LUZP2: variants seen among roughly 807,000 people sequenced by gnomAD.
LUZP2 encodes the protein leucine zipper protein 2.
LUZP2 carries 52 observed loss-of-function variants against 51.6 expected under a neutral mutation model. The observed-to-expected ratio is 1.01, with a 90% confidence interval of 0.81 to 1.27. The LOEUF is 1.27. LUZP2 is among the 50% of genes most tolerant of loss of function. The pLI is 0.00. For synonymous variants in LUZP2, 154 were observed against 137.3 expected (o/e 1.12, Z -0.85); for missense variants, 436 against 395.4 (o/e 1.10, Z -0.87).
At chr11:24,650,852 G>T (rs1231308478) in intron 1 of LUZP2, among the ~76,000 whole-genome samples, 1 of 152,034 alleles carries the variant, frequency 6.6e-6, no homozygotes, top group Non-Finnish European at 1.5e-5. Flanking sequence ...ATCATAAGTT[G>T]TTCATGGAGT....
At chr11:24,943,978 T>C (rs1854833203) in intron 7 of LUZP2, among the ~76,000 whole-genome samples, 1 of 152,184 alleles carries the variant, frequency 6.6e-6, no homozygotes, top group South Asian at 2.1e-4. Flanking sequence ...TGGTTTCTGC[T>C]TTCAAGAAGT....
rs944437065 is a variant in LUZP2 at position 24,829,353 on chromosome 11, A to G, written c.396+66045A>G. 2.0e-5 allele frequency among the ~76,000 whole-genome samples: 3 copies of G among 152,302 alleles called. No individual in the cohort carries two copies. The East Asian group carries it at 5.8e-4, about 30-fold the overall frequency. On this transcript the variant is annotated intron_variant, in intron 5 of 11. Transcript: ENST00000336930. ...TCCAGAGTAGGAAAAGTGTGCGTGC[A>G]TGTACACCTCCCCCACAGTGCACAC...
In LUZP2 at chr11:24,926,167, A is replaced by G. The variant is rs184662553; in HGVS notation, c.522+11629A>G. Among the ~76,000 whole-genome samples, 142 of 151,102 alleles carry G rather than the reference A, an allele frequency of 9.4e-4. 3 individuals carry two copies. The highest frequency in any genetic ancestry group is 1.5e-4 in the Non-Finnish European group (10 of 67,754). On this transcript the variant is annotated intron_variant, in intron 7 of 11. Transcript: ENST00000336930. The stretch of plus-strand genomic sequence containing the variant: ...CAAAGGCCCATAAATCAATAAGTGC[A>G]TAAAGGCAATGTTATATATATGTGT...
At chr11:24,536,760 C>A (rs1851192035) in intron 1 of LUZP2, among the ~76,000 whole-genome samples, 1 of 151,888 alleles carries the variant, frequency 6.6e-6, no homozygotes, top group South Asian at 2.1e-4. Flanking sequence ...AAGAACATTT[C>A]TTTTGCATTC....
At chr11:24,913,073 A>G (rs1337262856) in intron 6 of LUZP2, among the ~76,000 whole-genome samples, 4 of 152,110 alleles carry the variant, frequency 2.6e-5, no homozygotes, top group Non-Finnish European at 5.9e-5. Context: ...TTTTATTGAG[A>G]TTTATCTAGT....
chr11:25,070,284 A>G (rs1377435113), intron 10 of LUZP2, among the ~76,000 whole-genome samples: 1 of 151,994 alleles, frequency 6.6e-6, no homozygotes, highest in East Asian at 1.9e-4. Context: ...CATCCCCCAG[A>G]AGTGTATTTA....
intron 1 of LUZP2, among the ~76,000 whole-genome samples, chr11:24,720,245 GA>G (rs5790431): frequency 0.37 from 54,308 of 148,292 alleles, 10,127 homozygotes; most frequent in Non-Finnish European, 0.42. Context: ...TCAGATAATA[GA>G]AAAAAAAAAT....
intron 1 of LUZP2, among the ~76,000 whole-genome samples, chr11:24,560,368 T>C (rs1212994198): frequency 1.3e-5 from 2 of 152,152 alleles, no homozygotes; most frequent in Admixed American, 6.6e-5. Flanking sequence ...TAACGCTTGA[T>C]GTGAAGGGTT....
intron 1 of LUZP2, among the ~76,000 whole-genome samples, chr11:24,726,457 C>T (rs1335070112): frequency 6.6e-6 from 1 of 151,214 alleles, no homozygotes; most frequent in African/African-American, 2.4e-5. Context: ...TAAATACCCA[C>T]AAAAATTAAA....
At chr11:24,533,761 C>G (rs1851085001) in intron 1 of LUZP2, among the ~76,000 whole-genome samples, 1 of 150,904 alleles carries the variant, frequency 6.6e-6, no homozygotes, top group South Asian at 2.1e-4. Context: ...CTATTTGGGA[C>G]AATCTATTTC....
intron 9 of LUZP2, among the ~76,000 whole-genome samples, chr11:25,016,253 A>G (rs1273326125): frequency 2.6e-5 from 4 of 151,874 alleles, no homozygotes; most frequent in Non-Finnish European, 5.9e-5. Context: ...CCTGCCATCC[A>G]AGTAGTATAT....
chr11:24,646,954 A>T (rs908265992), intron 1 of LUZP2, among the ~76,000 whole-genome samples: 2 of 152,054 alleles, frequency 1.3e-5, no homozygotes, highest in African/African-American at 4.8e-5. Context: ...ATGAGGAAGA[A>T]GCACTGTTGA....
chr11:24,741,973 CATTTA>C (rs1859184979), intron 4 of LUZP2, among the ~76,000 whole-genome samples: 1 of 31,600 alleles, frequency 3.2e-5, no homozygotes, highest in Non-Finnish European at 8.5e-5. Context: ...TAAATATATA[CATTTA>C]TATATTATAT....
At chr11:24,503,583 T>C (rs1850065212) in intron 1 of LUZP2, among the ~76,000 whole-genome samples, 1 of 152,200 alleles carries the variant, frequency 6.6e-6, no homozygotes, top group South Asian at 2.1e-4. Flanking sequence ...TTAATCTCTT[T>C]AAGTGTACTT....
chr11:25,081,347 T>G lies in LUZP2; in HGVS notation c.*2689T>G, dbSNP rs879073940. 3 of 152,064 alleles carry G rather than the reference T, an allele frequency of 2.0e-5. No homozygotes were observed. The highest frequency in any genetic ancestry group is 6.6e-5 in the Admixed American group (1 of 15,256). 9.4% of individuals were successfully genotyped at this position (152,064 alleles called of 1,614,324 possible). ...CCACCGTGCCTGGCCAGTGTGTTTT[T>G]TTCCTTTAAATATATATGGCATTAT... On this transcript the variant is annotated 3_prime_UTR_variant, in exon 12 of 12. Transcript: ENST00000336930.
intron 1 of LUZP2, among the ~76,000 whole-genome samples, chr11:24,548,573 T>C (rs761419492): frequency 7.9e-5 from 12 of 151,860 alleles, no homozygotes; most frequent in Admixed American, 2.6e-4. Context: ...GTGAGGACGA[T>C]GAGAATTGAA....
At chr11:25,064,758 C>T (rs968249004) in intron 10 of LUZP2, among the ~76,000 whole-genome samples, 20 of 151,974 alleles carry the variant, frequency 1.3e-4, no homozygotes, top group African/African-American at 4.8e-4. Flanking sequence ...CCAATCTGCT[C>T]TCTCTCTTAT....
chr11:24,609,879 G>C (rs538578743), intron 1 of LUZP2, among the ~76,000 whole-genome samples: 1 of 152,064 alleles, frequency 6.6e-6, no homozygotes, highest in Non-Finnish European at 1.5e-5. Context: ...AAAAAGACTG[G>C]CATTAAAGAT....
chr11:24,901,931 T>G (rs1257523703), intron 5 of LUZP2, among the ~76,000 whole-genome samples: 1 of 152,148 alleles, frequency 6.6e-6, no homozygotes, highest in Admixed American at 6.6e-5. Flanking sequence ...TTCTTATCAT[T>G]TTACAAGTAA....
Sources: allele counts gnomAD v4.1 joint callset (sites outside exome capture counted in the v4.1 genomes callset), GRCh38; gene constraint gnomAD v4.1.1; transcripts MANE v1.5; gene names NCBI Gene and HGNC (gene_info 2026-07-23, HGNC 2026-07-21).